The following KDM5A variants were observed in gnomAD, a reference collection of about 807,000 sequenced individuals.
KDM5A encodes lysine demethylase 5A, also known as lysine-specific demethylase 5A.
In KDM5A, 42 loss-of-function variants were observed where a neutral mutation model predicts 193.5. That is an observed-to-expected ratio of 0.22 (90% CI 0.17 to 0.28). The LOEUF (loss-of-function observed/expected upper bound fraction) is 0.28, where lower values mean the gene tolerates loss of function less well. Ranked by LOEUF, KDM5A falls within the 10% of genes least tolerant of loss-of-function variation. KDM5A has a pLI of 1.00. For synonymous variants in KDM5A, 796 were observed against 718.1 expected (o/e 1.11, Z -1.73); for missense variants, 1,692 against 2,055.1 (o/e 0.82, Z 3.42).
intron 10 of KDM5A, among the ~76,000 whole-genome samples, chr12:346,939 T>G (rs1009686316): frequency 6.6e-6 from 1 of 152,046 alleles, no homozygotes; most frequent in Admixed American, 6.5e-5. Context: ...GAGAAAGAAA[T>G]AAAGGGTATT....
intron 10 of KDM5A, among the ~76,000 whole-genome samples, chr12:342,855 T>C (rs1326239842): frequency 6.6e-6 from 1 of 150,570 alleles, no homozygotes; most frequent in Non-Finnish European, 1.5e-5. Context: ...GCTTCCAGCG[T>C]GCTCAACGCA....
chr12:345,696 T>C (rs1944063487), intron 10 of KDM5A, among the ~76,000 whole-genome samples: 1 of 152,168 alleles, frequency 6.6e-6, no homozygotes, highest in Non-Finnish European at 1.5e-5. Context: ...AAGGCAGAAA[T>C]AAAGATGTTC....
chr12:322,592 A>G (rs1324576150), intron 16 of KDM5A, 25 bp from the exon 17 acceptor site: 47 of 1,599,360 alleles, frequency 2.9e-5, no homozygotes, highest in Non-Finnish European at 3.4e-5. Context: ...ATAAAGAGCC[A>G]TATACAATAA....
intron 10 of KDM5A, among the ~76,000 whole-genome samples, chr12:341,911 A>AAG (rs1555134284): frequency 3.5e-5 from 5 of 143,322 alleles, no homozygotes; most frequent in South Asian, 2.4e-4. Context: ...AAAAAAAAAA[A>AAG]AGAGAGAGAG....
Position 283,144 on chromosome 12 carries a change from A to G in KDM5A, c.*2312T>C. The G allele has an allele frequency of 4.3e-6, 1 of 231,274 alleles. No individual in the cohort carries two copies. The highest frequency in any genetic ancestry group is 1.3e-3 in the Middle Eastern group (1 of 778). The allele number at this position is 231,274 out of a possible 1,614,324, so 14.3% of individuals were successfully genotyped here. A position where few individuals can be genotyped will look rare whatever the true frequency, so the allele number is the denominator to read the frequency against. On this transcript the variant is annotated 3_prime_UTR_variant, in exon 28 of 28. Transcript: ENST00000399788. ...GTTAATGGATGATTAGGAAGGAAAA[A>G]TAAAAATTTTAAATGTATTCCAGGC... is the stretch of plus-strand genomic sequence containing the variant.
Position 310,969 on chromosome 12 carries a change from T to G in KDM5A, c.3132A>C (p.Glu1044Asp). ...ATGCCCGTGCTGCTGCTACCTGTGA[T>G]TCCACTTGCGGCAGTGCTTCAAGAC... The part of the protein sequence containing the change: ...PVRLEALPQV[E>D]SQVAAARAWR... Residue 1044 changes from glutamate to aspartate, a missense_variant, in exon 21 of 28, where the codon GAA becomes GAC. Around this residue, in one of 11 missense-constraint regions of KDM5A, gnomAD observed 965 missense variants for 1,061.0 expected, o/e 0.91. Transcript: ENST00000399788. The G allele has an allele frequency of 6.2e-7, 1 of 1,614,244 alleles. No homozygotes were observed. The highest frequency in any genetic ancestry group is 8.5e-7 in the Non-Finnish European group (1 of 1,180,038).
chr12:373,215 C>T (rs1349628780), intron 3 of KDM5A, among the ~76,000 whole-genome samples: 1 of 152,180 alleles, frequency 6.6e-6, no homozygotes, highest in Non-Finnish European at 1.5e-5. Context: ...GTGAATCTAT[C>T]TGGTCCTGGA....
chr12:312,180 G>A lies in KDM5A; in HGVS notation c.3036+876C>T, dbSNP rs78029340. On this transcript the variant is annotated intron_variant, in intron 20 of 27. Transcript: ENST00000399788. ...TGCTGCTTAACGGTTTTTATGATTC[G>A]AGTACACTTTTATCTCTATCTAGCA... 2.8e-3 allele frequency among the ~76,000 whole-genome samples: 432 copies of A among 152,188 alleles called. 13 individuals are homozygous for A. In the East Asian group the frequency reaches 0.065, roughly 23 times the overall value.
At chr12:372,989 T>C (rs1296871517) in intron 3 of KDM5A, among the ~76,000 whole-genome samples, 1 of 152,222 alleles carries the variant, frequency 6.6e-6, no homozygotes, top group Admixed American at 6.5e-5. Flanking sequence ...CTGGATTTGG[T>C]TTGCCAGTAT....
At position 285,449 on chromosome 12, in the gene KDM5A, G is replaced by A. The variant is rs749778419; in HGVS notation, c.*7C>T. 3.7e-6 allele frequency: 6 copies of A among 1,612,598 alleles called. No homozygotes were observed. In the Admixed American group the frequency reaches 5.0e-5, roughly 13 times the overall value. ...TCCCCCCATGTCCCAAACTAACCAA[G>A]CATCTGCTAACTGGTCTCTTTAAGA... On this transcript the variant is annotated 3_prime_UTR_variant, in exon 28 of 28. Transcript: ENST00000399788.
Position 295,748 on chromosome 12 carries a change from G to A in KDM5A, c.4280C>T (p.Pro1427Leu). The part of the protein sequence containing the change: ...RKQPRKSPLV[P>L]RSLEPPVLEL... ...CAGCACTGGAGGTTCCAAACTTCGG[G>A]GCACCAAAGGGCTCTTCCGAGGTTG... The change falls in exon 26 of 28, where the codon CCC (proline) becomes CTC (leucine). Residue 1427 changes from proline (P) to leucine (L), a missense_variant. By Grantham distance (98) the Pro-to-Leu change is moderately conservative (BLOSUM62 -3). Transcript: ENST00000399788. 1.2e-6 allele frequency: 2 copies of A among 1,613,938 alleles called. No individual in the cohort carries two copies. Among genetic ancestry groups the A allele is most frequent in the East Asian group, 2.2e-5 (1 of 44,876 alleles).
chr12:381,682 C>T (rs1008701925), intron 3 of KDM5A, among the ~76,000 whole-genome samples: 5 of 152,094 alleles, frequency 3.3e-5, no homozygotes, highest in African/African-American at 9.7e-5. Flanking sequence ...AACATCATTA[C>T]CTGACTGATT....
chr12:312,818 A>G lies in KDM5A; in HGVS notation c.3036+238T>C, dbSNP rs187261788. Among the ~76,000 whole-genome samples, 166 of 152,340 alleles carry G rather than the reference A, an allele frequency of 1.1e-3. 2 individuals are homozygous for G. The highest frequency in any genetic ancestry group is 3.9e-3 in the African/African-American group (161 of 41,586). On this transcript the variant is annotated intron_variant, in intron 20 of 27. Transcript: ENST00000399788. ...CAGTGCTGCTGCCCGGCATTGTGAG[A>G]GAATGTCATACCACATATTGCTAGC... is the stretch of plus-strand genomic sequence containing the variant.
intron 1 of KDM5A, among the ~76,000 whole-genome samples, chr12:388,010 T>C (rs528005725): frequency 2.6e-5 from 4 of 152,258 alleles, no homozygotes; most frequent in East Asian, 3.9e-4. Context: ...GAGAATCATC[T>C]GAGACTAGTT....
chr12:324,690 T>C (rs974541512), intron 14 of KDM5A, among the ~76,000 whole-genome samples: 3 of 151,810 alleles, frequency 2.0e-5, no homozygotes, highest in African/African-American at 7.3e-5. Flanking sequence ...CTGGCCAATA[T>C]GGCAAAACTT....
intron 12 of KDM5A, 111 bp from the exon 13 acceptor site, chr12:332,049 T>C: frequency 9.7e-7 from 1 of 1,029,668 alleles, no homozygotes; most frequent in Non-Finnish European, 1.5e-6. Context: ...CTGAAAACAA[T>C]AAAGCATTAA....
Position 310,877 on chromosome 12 carries a change from TC to T in KDM5A, c.3216+7del. On this transcript the variant is annotated splice_region_variant and intron_variant, in intron 21 of 27. Coordinates refer to ENST00000399788, the MANE Select transcript of KDM5A (RefSeq NM_001042603.3). The stretch of plus-strand genomic sequence containing the variant: ...CAGCTGCTTATGAGAGTGTTGAAGT[TC>T]AAGTACCTGTAACAATGTATGGCTA... 1 of 1,614,076 alleles carries T rather than the reference TC, an allele frequency of 6.2e-7. No individual in the cohort carries two copies. Among genetic ancestry groups the T allele is most frequent in the East Asian group, 2.2e-5 (1 of 44,890 alleles).
chr12:370,415 T>C (rs1281601059), intron 3 of KDM5A, among the ~76,000 whole-genome samples: 1 of 152,058 alleles, frequency 6.6e-6, no homozygotes, highest in African/African-American at 2.4e-5. Context: ...AAATTAAAAA[T>C]AAAATACAAA....
chr12:349,699 C>CTA (rs1944127048), intron 10 of KDM5A, among the ~76,000 whole-genome samples: 1 of 147,188 alleles, frequency 6.8e-6, no homozygotes, highest in South Asian at 2.1e-4. Context: ...ATTAAATTAG[C>CTA]TTTTTTTTTT....
Sources: allele counts gnomAD v4.1 joint callset (sites outside exome capture counted in the v4.1 genomes callset), GRCh38; gene constraint gnomAD v4.1.1; regional missense constraint gnomAD v4.1.1; transcripts MANE v1.5; gene names NCBI Gene and HGNC (gene_info 2026-07-23, HGNC 2026-07-21).